Variants in INSL6 observed in about 807,000 individuals in gnomAD.
The protein encoded by INSL6 is insulin like 6, also known as insulin-like peptide INSL6.
In INSL6, 16 loss-of-function variants were observed where a neutral mutation model predicts 9.4. That is an observed-to-expected ratio of 1.70 (90% CI 1.15 to 2.59). The LOEUF is 2.59. Among genes scored for constraint, INSL6 ranks in the 30% most tolerant of loss-of-function variants. The probability of loss-of-function intolerance (pLI) is 0.00; values close to 1 mark genes in which losing one functional copy is unlikely to be tolerated. For synonymous variants in INSL6, 154 were observed against 96.9 expected, an observed-to-expected ratio of 1.59 and a Z score of -3.46; for missense variants, 391 against 257.3, an observed-to-expected ratio of 1.52 and a Z score of -3.56.
the INSL6 span, among the ~76,000 whole-genome samples, chr9:5,034,048 C>A: frequency 2.0e-5 from 3 of 152,136 alleles, no homozygotes; most frequent in African/African-American, 7.2e-5. Context: ...GGAGGAACAT[C>A]TACCAAGCAA....
intron 2 of INSL6, among the ~76,000 whole-genome samples, chr9:5,140,535 T>C (rs1175408111): frequency 6.6e-6 from 1 of 152,102 alleles, no homozygotes; most frequent in African/African-American, 2.4e-5. Flanking sequence ...CTCTCATTAG[T>C]CTTGCACATC....
At chr9:5,143,663 CTT>C (rs58643904) in intron 2 of INSL6, among the ~76,000 whole-genome samples, 21 of 142,258 alleles carry the variant, frequency 1.5e-4, no homozygotes, top group African/African-American at 2.3e-4. Flanking sequence ...ATTTGTTAAT[CTT>C]TTTTTTTTTT....
chr9:5,164,697 G>T (rs1372036743), intron 1 of INSL6, among the ~76,000 whole-genome samples: 3 of 152,076 alleles, frequency 2.0e-5, no homozygotes, highest in African/African-American at 7.2e-5. Context: ...CTATGGATTT[G>T]CCTATTCCGT....
the INSL6 span, among the ~76,000 whole-genome samples, chr9:5,076,523 T>G: frequency 6.6e-6 from 1 of 152,134 alleles, no homozygotes; most frequent in South Asian, 2.1e-4. Context: ...AAAGATATAT[T>G]CTTTGTTTTT....
At chr9:5,099,599 A>C in the INSL6 span, 3 of 152,200 alleles carry the variant, frequency 2.0e-5, no homozygotes, top group Non-Finnish European at 4.4e-5. Context: ...CTACCCCTAC[A>C]ATTCTAGGCC....
At chr9:5,137,542 A>G (rs1824409161) in intron 2 of INSL6, among the ~76,000 whole-genome samples, 1 of 152,204 alleles carries the variant, frequency 6.6e-6, no homozygotes. Flanking sequence ...CCATATGCAG[A>G]AAGCTGAAAC....
the INSL6 span, among the ~76,000 whole-genome samples, chr9:5,107,469 T>A: frequency 1.3e-5 from 2 of 152,082 alleles, no homozygotes; most frequent in Non-Finnish European, 2.9e-5. Context: ...TTCAAACAAA[T>A]TACCTAACAA....
At chr9:5,149,382 G>C (rs10974982) in intron 2 of INSL6, among the ~76,000 whole-genome samples, 54,893 of 151,836 alleles carry the variant, frequency 0.36, 10,756 homozygotes, top group African/African-American at 0.53. Flanking sequence ...TTTCACAGCT[G>C]CATCTACTCA....
chr9:5,123,504 G>C (rs1356736655), downstream of INSL6, among the ~76,000 whole-genome samples: 1 of 151,958 alleles, frequency 6.6e-6, no homozygotes, highest in Non-Finnish European at 1.5e-5. Context: ...TGGCTGAATA[G>C]TATTCCATTT....
chr9:5,166,952 G>A (rs143219030), intron 1 of INSL6, among the ~76,000 whole-genome samples: 372 of 152,204 alleles, frequency 2.4e-3, no homozygotes, highest in Non-Finnish European at 4.2e-3. Context: ...GAAACGGTTC[G>A]GGGAAGCAGC....
the INSL6 span, chr9:5,113,661 C>A: frequency 6.1e-6 from 1 of 164,588 alleles, no homozygotes; most frequent in South Asian, 1.7e-4. Flanking sequence ...TTCCTGAAGT[C>A]AGTGACTGTG....
chr9:5,039,490 AGATTTTG>A, the INSL6 span, among the ~76,000 whole-genome samples: 4 of 152,172 alleles, frequency 2.6e-5, no homozygotes, highest in Non-Finnish European at 4.4e-5. Flanking sequence ...GAGTATTTGC[AGATTTTG>A]GTATGTGTGG....
rs80305871 is a variant in INSL6, at chr9:5,178,086, G to A, written c.289+7228C>T. Among the ~76,000 whole-genome samples, 6 of 152,298 alleles carry A rather than the reference G, an allele frequency of 3.9e-5. No individual in the cohort carries two copies. The East Asian group carries it at 1.2e-3, about 29-fold the overall frequency. On this transcript the variant is annotated intron_variant, in intron 1 of 1. Coordinates refer to ENST00000381641, the MANE Select transcript of INSL6 (RefSeq NM_007179.3). ...AGACAGGGTTTGCCATGTTGCCCAA[G>A]CTGGTCTTGAACTCCTGATGTCAAG...
At chr9:5,171,242 G>A (rs1295572501) in intron 1 of INSL6, among the ~76,000 whole-genome samples, 1 of 152,144 alleles carries the variant, frequency 6.6e-6, no homozygotes, top group Admixed American at 6.5e-5. Context: ...AAAACCACAA[G>A]ATTATTTCAA....
At chr9:5,079,121 G>A in the INSL6 span, among the ~76,000 whole-genome samples, 5 of 152,306 alleles carry the variant, frequency 3.3e-5, no homozygotes, top group East Asian at 7.7e-4. Flanking sequence ...ATCTGACAGT[G>A]AAGACAGTGA....
At chr9:5,073,857 T>C in the INSL6 span, 1 of 984,720 alleles carries the variant, frequency 1.0e-6, no homozygotes, top group Admixed American at 2.0e-5. Context: ...AAATTCAGTT[T>C]CAGGATCACA....
the INSL6 span, chr9:5,081,656 A>G: frequency 5.4e-6 from 6 of 1,101,568 alleles, no homozygotes; most frequent in Non-Finnish European, 8.2e-6. Flanking sequence ...GTCAACTTGA[A>G]TGTATATCAG....
the INSL6 span, among the ~76,000 whole-genome samples, chr9:4,992,190 G>T: frequency 1.3e-5 from 2 of 152,190 alleles, no homozygotes; most frequent in Non-Finnish European, 2.9e-5. Flanking sequence ...GCTGGCTCTT[G>T]ACTGGGATGT....
chr9:5,089,800 G>C, the INSL6 span: 42 of 1,597,118 alleles, frequency 2.6e-5, no homozygotes, highest in Non-Finnish European at 3.5e-5. Flanking sequence ...AAGGGAAATT[G>C]AAATCCTGAA....
Sources: allele counts gnomAD v4.1 joint callset (sites outside exome capture counted in the v4.1 genomes callset), GRCh38; gene constraint gnomAD v4.1.1; transcripts MANE v1.5; gene names NCBI Gene and HGNC (gene_info 2026-07-23, HGNC 2026-07-21).